ASTN2: variants seen among roughly 807,000 people sequenced by gnomAD.
The protein encoded by ASTN2 is astrotactin-2.
In ASTN2, 54 loss-of-function variants were observed where a neutral mutation model predicts 139.8. The ratio of observed to expected loss-of-function variants is 0.39; its 90% CI spans 0.31 to 0.48. The LOEUF is 0.48. ASTN2 is among the 20% of genes least tolerant of loss of function. The probability of loss-of-function intolerance (pLI) is 0.95; values close to 1 mark genes in which losing one functional copy is unlikely to be tolerated. For missense variants in ASTN2, 1,565 were observed against 1,725.1 expected (o/e 0.91, Z 1.64); for synonymous variants, 756 against 719.5 (o/e 1.05, Z -0.81).
At chr9:116,913,921 G>A (rs577701199) in intron 10 of ASTN2, among the ~76,000 whole-genome samples, 2 of 151,224 alleles carry the variant, frequency 1.3e-5, no homozygotes, top group East Asian at 3.9e-4. Flanking sequence ...TTCACTTATG[G>A]TATTCCTCTG....
intron 10 of ASTN2, among the ~76,000 whole-genome samples, chr9:116,886,372 T>G (rs1299365091): frequency 6.6e-6 from 1 of 152,234 alleles, no homozygotes; most frequent in Non-Finnish European, 1.5e-5. Flanking sequence ...TTCTTTTTTC[T>G]TTCTTTCTTT....
intron 1 of ASTN2, among the ~76,000 whole-genome samples, chr9:117,365,257 C>A (rs1285824606): frequency 5.2e-5 from 6 of 116,102 alleles, no homozygotes; most frequent in East Asian, 2.4e-4. Flanking sequence ...GAGAGAGAAA[C>A]AGAGAGAAAA....
intron 19 of ASTN2, among the ~76,000 whole-genome samples, chr9:116,563,687 C>T (rs926956038): frequency 6.6e-6 from 1 of 151,988 alleles, no homozygotes; most frequent in African/African-American, 2.4e-5. Context: ...TTTTCTTTTT[C>T]TTCTGTATCA....
chr9:116,727,142 A>G (rs1828650716), intron 15 of ASTN2, among the ~76,000 whole-genome samples: 1 of 152,036 alleles, frequency 6.6e-6, no homozygotes, highest in Non-Finnish European at 1.5e-5. Context: ...AGCCTTTCAC[A>G]TCATTATGGA....
At chr9:117,191,689 A>G (rs1010777987) in intron 3 of ASTN2, among the ~76,000 whole-genome samples, 1 of 152,140 alleles carries the variant, frequency 6.6e-6, no homozygotes, top group Admixed American at 6.5e-5. Context: ...CAGCCATTTC[A>G]AGGGAGCCCA....
intron 1 of ASTN2, among the ~76,000 whole-genome samples, chr9:117,329,003 TC>T (rs2130844909): frequency 6.6e-6 from 1 of 152,242 alleles, no homozygotes; most frequent in South Asian, 2.1e-4. Context: ...CTACTGGGAT[TC>T]AGAGAAGGAA....
chr9:116,993,517 A>G (rs910236105), intron 7 of ASTN2, among the ~76,000 whole-genome samples: 1 of 151,622 alleles, frequency 6.6e-6, no homozygotes, highest in Non-Finnish European at 1.5e-5. Flanking sequence ...TTATCACGTT[A>G]TTCACTATAA....
At chr9:116,990,330 C>T (rs939177486) in intron 7 of ASTN2, among the ~76,000 whole-genome samples, 13 of 152,212 alleles carry the variant, frequency 8.5e-5, no homozygotes, top group African/African-American at 2.4e-4. Flanking sequence ...TGCAGTTGCA[C>T]GATCTCAGCT....
intron 10 of ASTN2, among the ~76,000 whole-genome samples, chr9:116,866,462 G>T (rs1048438865): frequency 2.6e-5 from 4 of 152,180 alleles, no homozygotes; most frequent in Admixed American, 2.0e-4. Flanking sequence ...TGGGAGGAAA[G>T]AATTAATAGT....
intron 3 of ASTN2, among the ~76,000 whole-genome samples, chr9:117,199,625 T>C (rs1282203033): frequency 2.1e-5 from 3 of 144,260 alleles, no homozygotes; most frequent in Non-Finnish European, 3.1e-5. Flanking sequence ...CTTTGACTCA[T>C]GTGAAATTTA....
chr9:117,113,678 C>CAA (rs57094447), intron 4 of ASTN2, among the ~76,000 whole-genome samples: 2 of 149,268 alleles, frequency 1.3e-5, no homozygotes, highest in African/African-American at 4.9e-5. Flanking sequence ...CAAAACAAAA[C>CAA]AAAAAAAAAA....
chr9:117,301,900 G>C (rs1463514674), intron 1 of ASTN2, among the ~76,000 whole-genome samples: 1 of 152,032 alleles, frequency 6.6e-6, no homozygotes, highest in African/African-American at 2.4e-5. Flanking sequence ...GGCCTCACAT[G>C]AAAGAATGGG....
intron 3 of ASTN2, among the ~76,000 whole-genome samples, chr9:117,160,879 T>A (rs1180981862): frequency 6.6e-6 from 1 of 151,876 alleles, no homozygotes; most frequent in East Asian, 1.9e-4. Flanking sequence ...ATGATGAAGA[T>A]CATAATGGGA....
intron 7 of ASTN2, among the ~76,000 whole-genome samples, chr9:116,998,555 A>ATCCATCCATCCT (rs1837087774): frequency 6.6e-6 from 1 of 151,910 alleles, no homozygotes; most frequent in African/African-American, 2.4e-5. Flanking sequence ...ATTTTCATCC[A>ATCCATCCATCCT]TCCATCCATC....
chr9:116,855,147 G>C lies in ASTN2; in HGVS notation c.2040+8436C>G, dbSNP rs180838552. ...TAAAATAAGGGGAAAAATAGAGAAG[G>C]CTTCAAATGTCATGAGAAGAAAAAA... On this transcript the variant is annotated intron_variant, in intron 11 of 22. Coordinates refer to ENST00000313400, the MANE Select transcript of ASTN2 (RefSeq NM_001365068.1). 2.5e-4 allele frequency among the ~76,000 whole-genome samples: 38 copies of C among 152,240 alleles called. 2 individuals are homozygous for C. The highest frequency in any genetic ancestry group is 9.1e-4 in the African/African-American group (38 of 41,542).
At chr9:117,007,763 G>C (rs1039565702) in intron 7 of ASTN2, among the ~76,000 whole-genome samples, 3 of 152,126 alleles carry the variant, frequency 2.0e-5, no homozygotes, top group African/African-American at 7.2e-5. Context: ...AAGGTAGGCA[G>C]TGTCTTGCTC....
At chr9:116,577,054 T>G (rs1309210969) in intron 19 of ASTN2, among the ~76,000 whole-genome samples, 1 of 152,170 alleles carries the variant, frequency 6.6e-6, no homozygotes, top group African/African-American at 2.4e-5. Context: ...ACAACAACCT[T>G]GTGAATAGAT....
intron 18 of ASTN2, 132 bp downstream of exon 18, chr9:116,620,178 T>A: frequency 7.8e-7 from 1 of 1,278,262 alleles, no homozygotes; most frequent in South Asian, 1.4e-5. Flanking sequence ...AAAAAGGAGG[T>A]AGATTCCAGG....
intron 2 of ASTN2, among the ~76,000 whole-genome samples, chr9:117,241,238 T>C (rs962565828): frequency 2.0e-5 from 3 of 152,178 alleles, no homozygotes; most frequent in African/African-American, 7.2e-5. Flanking sequence ...TCTAATGGAT[T>C]AGTTTGGGTT....
Sources: gnomAD v4.1 joint callset for allele counts (sites outside exome capture counted in the v4.1 genomes callset) on GRCh38, gnomAD v4.1.1 for gene constraint, MANE v1.5 for transcripts, NCBI Gene and HGNC (gene_info 2026-07-23, HGNC 2026-07-21) for gene names.